The following TYW3 variants were observed in gnomAD, a reference collection of about 807,000 sequenced individuals.
TYW3 encodes tRNA wybutosine-synthesizing protein 3 homolog.
In TYW3, 26 loss-of-function variants were observed where a neutral mutation model predicts 23.1. That is an observed-to-expected ratio of 1.13 (90% CI 0.83 to 1.56). The LOEUF (loss-of-function observed/expected upper bound fraction) is 1.56, where lower values mean the gene tolerates loss of function less well. Ranked by LOEUF, TYW3 falls within the 40% of genes most tolerant of loss-of-function variation. The pLI, the probability that TYW3 is intolerant of heterozygous loss-of-function variation, is 0.00. For synonymous variants in TYW3, 102 were observed against 105.7 expected, an observed-to-expected ratio of 0.97 and a Z score of 0.21; for missense variants, 316 against 311.9, an observed-to-expected ratio of 1.01 and a Z score of -0.10.
At chr1:74,742,966 A>G (rs1458015339) in intron 3 of TYW3, among the ~76,000 whole-genome samples, 1 of 152,142 alleles carries the variant, frequency 6.6e-6, no homozygotes, top group African/African-American at 2.4e-5. Flanking sequence ...CTGGCCCTCA[A>G]TGGTTAAACA....
In TYW3 at chr1:74,744,352, AGAGAGAGAATATTG is replaced by A. The variant is rs1435259027; in HGVS notation, c.355-4397_355-4384del. Reference sequence around the variant, plus strand: ...CCTCAGGTGGCCATTTTTCCCCATCAGAGAGAGAATATTGGGGCCAAGCTGTGATGCAGAAAAAA... The same window carrying A: ...CCTCAGGTGGCCATTTTTCCCCATCAGGGCCAAGCTGTGATGCAGAAAAAA... On this transcript the variant is annotated intron_variant, in intron 3 of 5. Transcript: ENST00000370867. Among the ~76,000 whole-genome samples, 172 of 152,120 alleles carry A rather than the reference AGAGAGAGAATATTG, an allele frequency of 1.1e-3. 1 individual carries two copies. The highest frequency in any genetic ancestry group is 3.9e-3 in the African/African-American group (160 of 41,510).
intron 3 of TYW3, among the ~76,000 whole-genome samples, chr1:74,745,288 G>C (rs1352300169): frequency 6.6e-6 from 1 of 150,690 alleles, no homozygotes; most frequent in African/African-American, 2.4e-5. Flanking sequence ...GACCTGAGCA[G>C]GTTGCCACTG....
intron 3 of TYW3, among the ~76,000 whole-genome samples, chr1:74,744,616 G>A (rs1022190414): frequency 1.3e-5 from 2 of 152,040 alleles, no homozygotes; most frequent in African/African-American, 4.8e-5. Context: ...TCGCCAAAAT[G>A]TGTCCCATCT....
intron 5 of TYW3, among the ~76,000 whole-genome samples, chr1:74,754,777 T>C (rs1329753031): frequency 2.0e-5 from 3 of 152,134 alleles, no homozygotes; most frequent in Non-Finnish European, 4.4e-5. Context: ...GACTTATCCA[T>C]TGGGTTCCTG....
At chr1:74,746,119 T>A (rs1287728925) in intron 3 of TYW3, among the ~76,000 whole-genome samples, 1 of 152,194 alleles carries the variant, frequency 6.6e-6, no homozygotes, top group Non-Finnish European at 1.5e-5. Flanking sequence ...AAATTTCAAA[T>A]AGACATTTGG....
intron 3 of TYW3, among the ~76,000 whole-genome samples, chr1:74,747,360 A>T (rs28583318): frequency 1.3e-5 from 2 of 151,942 alleles, no homozygotes; most frequent in Non-Finnish European, 1.5e-5. Flanking sequence ...AGACCGGGCC[A>T]GGCGCGGTGG....
chr1:74,742,146 G>A (rs951135315), intron 3 of TYW3, among the ~76,000 whole-genome samples: 3 of 152,180 alleles, frequency 2.0e-5, no homozygotes, highest in African/African-American at 7.2e-5. Flanking sequence ...AGGCATATGG[G>A]TGAAGTCTAA....
intron 5 of TYW3, among the ~76,000 whole-genome samples, chr1:74,758,802 G>A (rs913664261): frequency 1.3e-5 from 2 of 152,104 alleles, no homozygotes; most frequent in African/African-American, 4.8e-5. Flanking sequence ...ACATGGTCAC[G>A]TTGAAGATAG....
intron 5 of TYW3, among the ~76,000 whole-genome samples, chr1:74,763,519 G>A (rs956410211): frequency 6.6e-6 from 1 of 152,034 alleles, no homozygotes; most frequent in African/African-American, 2.4e-5. Flanking sequence ...ATATTGAGAG[G>A]AGTTATTTCT....
At chr1:74,736,367 C>T (rs1648153880) in intron 1 of TYW3, 175 bp from the exon 2 acceptor site, 2 of 409,004 alleles carry the variant, frequency 4.9e-6, no homozygotes, top group Admixed American at 4.4e-5. Context: ...GTTATTTGGG[C>T]TCATTCTTAT....
rs28785258 is a variant in TYW3, at chr1:74,744,768, C to T, written c.355-3983C>T. On this transcript the variant is annotated intron_variant, in intron 3 of 5. Transcript: ENST00000370867. ...TTACAGTTCTTAAAGATGGTGTGTC[C>T]GGAGTTTGTTCCTGCAGATGTTCAG... is the stretch of plus-strand genomic sequence containing the variant. Among the ~76,000 whole-genome samples the T allele has an allele frequency of 2.4e-3, 360 of 152,234 alleles. 1 individual carries two copies. The highest frequency in any genetic ancestry group is 8.1e-3 in the African/African-American group (337 of 41,530).
At chr1:74,753,965 G>C (rs901624757) in intron 5 of TYW3, among the ~76,000 whole-genome samples, 3 of 152,182 alleles carry the variant, frequency 2.0e-5, no homozygotes, top group Non-Finnish European at 4.4e-5. Flanking sequence ...CACCCTGGTT[G>C]AGAAAAACTG....
intron 1 of TYW3, 39 bp downstream of exon 1, chr1:74,733,457 G>T (rs376038283): frequency 6.2e-7 from 1 of 1,609,446 alleles, no homozygotes; most frequent in Non-Finnish European, 8.5e-7. Context: ...CTGCCTTCTA[G>T]TGCGAAACTT....
chr1:74,736,189 A>AT (rs975536131), intron 1 of TYW3: 100 of 156,012 alleles, frequency 6.4e-4, no homozygotes, highest in African/African-American at 1.7e-3. Flanking sequence ...AATTAAAATT[A>AT]TTTTTTTTTC....
intron 5 of TYW3, among the ~76,000 whole-genome samples, chr1:74,753,892 A>G (rs1648868606): frequency 1.3e-5 from 2 of 152,220 alleles, no homozygotes; most frequent in South Asian, 4.1e-4. Context: ...GATACATTGG[A>G]GAAAAGTCAA....
intron 4 of TYW3, chr1:74,750,350 G>T (rs887638661): frequency 3.3e-5 from 5 of 152,086 alleles, no homozygotes; most frequent in African/African-American, 1.2e-4. Flanking sequence ...GATCACCTGA[G>T]GTCAGGAGTT....
At position 74,733,355 on chromosome 1, in the gene TYW3, G is replaced by C; in HGVS notation, c.111G>C (p.Leu37=). ...DEDVVELVQF[L]NMRDQFFTTS... ...ATGTGGTAGAGCTTGTGCAGTTTCT[G>C]AACATGCGAGATCAGTTTTTCACCA... Residue 37 remains leucine, a synonymous_variant, in exon 1 of 6, where the codon CTG becomes CTC. Coordinates refer to ENST00000370867, the MANE Select transcript of TYW3 (RefSeq NM_138467.3). 1.2e-6 allele frequency: 2 copies of C among 1,614,178 alleles called. No individual in the cohort carries two copies. The highest frequency in any genetic ancestry group is 1.7e-6 in the Non-Finnish European group (2 of 1,180,028).
At position 74,733,208 on chromosome 1, in the gene TYW3, A is replaced by T. The variant is rs376744484; in HGVS notation, c.-37A>T. The stretch of plus-strand genomic sequence containing the variant: ...GCCCCCAGGGAGAGACGAGGCTACC[A>T]TGAAGGAGCCGAGCGCAGACCCTGA... On this transcript the variant is annotated 5_prime_UTR_variant, in exon 1 of 6. An upstream start codon of the reference 5' UTR is lost. Coordinates refer to ENST00000370867, the MANE Select transcript of TYW3 (RefSeq NM_138467.3). The T allele has an allele frequency of 6.2e-6, 10 of 1,608,076 alleles. No homozygotes were observed. The African/African-American group carries it at 9.4e-5, about 15-fold the overall frequency.
At chr1:74,740,819 T>C (rs1436140914) in intron 3 of TYW3, among the ~76,000 whole-genome samples, 2 of 152,256 alleles carry the variant, frequency 1.3e-5, no homozygotes, top group African/African-American at 2.4e-5. Flanking sequence ...GGTGCGTTTT[T>C]ACAGAGTGCT....
Sources: gnomAD v4.1 joint callset for allele counts (sites outside exome capture counted in the v4.1 genomes callset) on GRCh38, gnomAD v4.1.1 for gene constraint, MANE v1.5 for transcripts, NCBI Gene and HGNC (gene_info 2026-07-23, HGNC 2026-07-21) for gene names.